HDAC9: variants seen among roughly 807,000 people sequenced by gnomAD.
HDAC9 encodes histone deacetylase 9.
A neutral mutation model predicts 139.4 loss-of-function variants in HDAC9; 41 were observed. The observed-to-expected ratio is 0.29, with a 90% confidence interval of 0.23 to 0.38. The LOEUF (loss-of-function observed/expected upper bound fraction) is 0.38, where lower values mean the gene tolerates loss of function less well. Ranked by LOEUF, HDAC9 falls within the 10% of genes least tolerant of loss-of-function variation. The pLI is 1.00. For synonymous variants in HDAC9, 517 were observed against 476.2 expected (o/e 1.09, Z -1.12); for missense variants, 1,147 against 1,297.0 (o/e 0.88, Z 1.78).
intron 2 of HDAC9, among the ~76,000 whole-genome samples, chr7:18,214,566 A>G (rs1171871302): frequency 6.6e-6 from 1 of 152,106 alleles, no homozygotes; most frequent in Non-Finnish European, 1.5e-5. Flanking sequence ...TTTCCAGTAT[A>G]TAGTTAAGAA....
At chr7:18,138,527 G>GGTGGGTGT in intron 1 of HDAC9, among the ~76,000 whole-genome samples, 1 of 142,668 alleles carries the variant, frequency 7.0e-6, no homozygotes, top group South Asian at 2.2e-4. Flanking sequence ...GAGAGAGAGA[G>GGTGGGTGT]GTGTGTGTGT....
intron 12 of HDAC9, among the ~76,000 whole-genome samples, chr7:18,725,949 A>G (rs1785512987): frequency 2.6e-5 from 4 of 152,208 alleles, no homozygotes; most frequent in Admixed American, 2.6e-4. Flanking sequence ...AAGCCTCAAT[A>G]TGTGAAATAT....
chr7:18,920,565 TTG>T (rs1490073541), intron 22 of HDAC9, among the ~76,000 whole-genome samples: 1 of 152,164 alleles, frequency 6.6e-6, no homozygotes, highest in Non-Finnish European at 1.5e-5. Context: ...CATCCCTGTC[TTG>T]TGCCAGTTTT....
intron 1 of HDAC9, among the ~76,000 whole-genome samples, chr7:18,390,111 A>G (rs1786334860): frequency 6.6e-6 from 1 of 150,386 alleles, no homozygotes; most frequent in Admixed American, 6.6e-5. Context: ...AGAGAAGGGA[A>G]GTAATGGGGG....
chr7:18,603,256 C>G (rs1460862630), intron 6 of HDAC9, among the ~76,000 whole-genome samples: 5 of 152,008 alleles, frequency 3.3e-5, no homozygotes, highest in Non-Finnish European at 7.4e-5. Context: ...AATTTACTGA[C>G]AGCCTCTCTT....
In HDAC9 at chr7:18,159,894, A is replaced by T. The variant is rs534814713; in HGVS notation, c.-96-2335A>T. 1.2e-4 allele frequency among the ~76,000 whole-genome samples: 19 copies of T among 152,298 alleles called. No individual in the cohort carries two copies. The South Asian group carries it at 3.7e-3, about 30-fold the overall frequency. On this transcript the variant is annotated intron_variant, in intron 1 of 12. Coordinates refer to the HDAC9 transcript ENST00000417496. ...AAGGCAAGGGGAGTTGTTTAACTTT[A>T]AAAAAGACTTGATATTTGTAAGTCA...
chr7:18,987,052 C>G (rs1001256609), intron 25 of HDAC9, among the ~76,000 whole-genome samples: 4 of 152,098 alleles, frequency 2.6e-5, no homozygotes, highest in African/African-American at 2.4e-5. Context: ...AATTGAATAC[C>G]CTTTATTTCC....
chr7:18,885,412 A>T (rs77063752), intron 22 of HDAC9, among the ~76,000 whole-genome samples: 2,483 of 152,292 alleles, frequency 0.016, 93 homozygotes, highest in East Asian at 0.14. Context: ...TGTTTTTATG[A>T]TTAAATGAGA....
At chr7:18,890,197 CATG>C (rs1800555443) in intron 22 of HDAC9, among the ~76,000 whole-genome samples, 2 of 152,222 alleles carry the variant, frequency 1.3e-5, no homozygotes, top group Non-Finnish European at 2.9e-5. Flanking sequence ...ATAGTCTTAT[CATG>C]TCCATGTGCC....
At chr7:18,387,686 TA>T (rs1336056056) in intron 1 of HDAC9, among the ~76,000 whole-genome samples, 1 of 152,218 alleles carries the variant, frequency 6.6e-6, no homozygotes, top group African/African-American at 2.4e-5. Context: ...TATGTACTTT[TA>T]AAAACCTTTT....
At chr7:18,207,612 G>C (rs972670895) in intron 2 of HDAC9, among the ~76,000 whole-genome samples, 1 of 140,444 alleles carries the variant, frequency 7.1e-6, no homozygotes, top group Non-Finnish European at 1.5e-5. Context: ...TAAAAGGATA[G>C]ATATAGATGC....
At chr7:18,478,241 T>C (rs1795277493) in intron 1 of HDAC9, among the ~76,000 whole-genome samples, 2 of 152,040 alleles carry the variant, frequency 1.3e-5, no homozygotes, top group Non-Finnish European at 2.9e-5. Context: ...CCCGGTAATA[T>C]TTTGTATTTT....
At chr7:18,524,119 T>C (rs544014527) in intron 2 of HDAC9, among the ~76,000 whole-genome samples, 12 of 152,160 alleles carry the variant, frequency 7.9e-5, no homozygotes, top group Admixed American at 7.9e-4. Flanking sequence ...GGTACTCAAG[T>C]ATGGAAGGTA....
chr7:18,156,674 T>A (rs903259336), intron 1 of HDAC9, among the ~76,000 whole-genome samples: 15 of 152,192 alleles, frequency 9.9e-5, no homozygotes, highest in African/African-American at 3.6e-4. Flanking sequence ...TCATCATGGA[T>A]GAAAGTACTC....
chr7:18,431,182 A>G (rs1480903170), intron 1 of HDAC9, among the ~76,000 whole-genome samples: 1 of 152,230 alleles, frequency 6.6e-6, no homozygotes, highest in African/African-American at 2.4e-5. Flanking sequence ...CTGTGGATAC[A>G]AAATAGGAAA....
At chr7:18,683,334 A>G (rs1782024631) in intron 12 of HDAC9, among the ~76,000 whole-genome samples, 1 of 152,098 alleles carries the variant, frequency 6.6e-6, no homozygotes, top group African/African-American at 2.4e-5. Flanking sequence ...GTCAAAATAT[A>G]TATAAAGCAC....
chr7:18,582,007 A>G (rs1726597), intron 2 of HDAC9, among the ~76,000 whole-genome samples: 53,239 of 152,114 alleles, frequency 0.35, 11,892 homozygotes, highest in African/African-American at 0.64. Flanking sequence ...TAACCAATGT[A>G]AGCAACCCAA....
intron 2 of HDAC9, among the ~76,000 whole-genome samples, chr7:18,569,715 A>G (rs1823620375): frequency 6.6e-6 from 1 of 152,208 alleles, no homozygotes; most frequent in Non-Finnish European, 1.5e-5. Flanking sequence ...CAATTAATGC[A>G]CAGATATTTA....
chr7:18,216,744 A>T (rs958983862), intron 2 of HDAC9, among the ~76,000 whole-genome samples: 6 of 152,218 alleles, frequency 3.9e-5, no homozygotes, highest in Non-Finnish European at 8.8e-5. Context: ...AATGTATTTC[A>T]TCTAGCATTT....
Sources: allele counts gnomAD v4.1 joint callset (sites outside exome capture counted in the v4.1 genomes callset), GRCh38; gene constraint gnomAD v4.1.1; transcripts MANE v1.5; gene names NCBI Gene and HGNC (gene_info 2026-07-23, HGNC 2026-07-21).